Variants in CARD10 observed in about 807,000 individuals in gnomAD.
The protein encoded by CARD10 is caspase recruitment domain-containing protein 10.
Under a neutral mutation model 114.6 loss-of-function variants are expected in CARD10, and 49 were observed. The ratio of observed to expected loss-of-function variants is 0.43; its 90% CI spans 0.34 to 0.54. The LOEUF (loss-of-function observed/expected upper bound fraction) is 0.54. CARD10 is among the 20% of genes least tolerant of loss of function. The pLI is 0.03. For missense variants in CARD10, 1,206 were observed against 1,397.2 expected, an observed-to-expected ratio of 0.86 and a Z score of 2.18; for synonymous variants, 602 against 593.2, an observed-to-expected ratio of 1.01 and a Z score of -0.21.
rs1042147750 is a variant in CARD10 at position 37,516,044 on chromosome 22, C to A, written c.628G>T (p.Ala210Ser). ...TCACTGAGCTGTGCCAGGCGCATGG[C>A]GATCATGTAGTTCTCATCCTTGAGC... Reference protein sequence around the residue: ...LRLKDENYMIAMRLAQLSEEK... With the variant: ...LRLKDENYMISMRLAQLSEEK... The change falls in exon 3 of 20, where the codon GCC becomes TCC. Residue 210 changes from alanine to serine, a missense_variant. Physicochemically the swap from Ala to Ser is moderately conservative, Grantham distance 99 (BLOSUM62 1). Coordinates refer to ENST00000251973, the MANE Select transcript of CARD10 (RefSeq NM_014550.4). 4 of 1,602,212 alleles carry A rather than the reference C, an allele frequency of 2.5e-6. No homozygotes were observed. The Admixed American group carries it at 5.1e-5, about 20-fold the overall frequency.
intron 11 of CARD10, among the ~76,000 whole-genome samples, chr22:37,500,779 T>C (rs1183580507): frequency 6.6e-6 from 1 of 152,158 alleles, no homozygotes; most frequent in Non-Finnish European, 1.5e-5. Flanking sequence ...AGGTTAAAAT[T>C]CCAGCCTTGC....
rs1015029473 is a variant in CARD10, at chr22:37,516,195, G to C, written c.477C>G (p.Ala159=). ...GCTCCTCCTCGAGCACCCGGCCCCG[G>C]GCCTGCAGTTGCTGCTCCCGCTGCA... is the stretch of plus-strand genomic sequence containing the variant. ...SQLQREQQLQ[A]RGRVLEEERA... is the part of the protein sequence containing the mutation. Residue 159 remains alanine, a synonymous_variant, in exon 3 of 20, where the codon GCC becomes GCG. Coordinates refer to ENST00000251973, the MANE Select transcript of CARD10 (RefSeq NM_014550.4). 1 of 1,594,912 alleles carries C rather than the reference G, an allele frequency of 6.3e-7. No homozygotes were observed. Among genetic ancestry groups the C allele is most frequent in the African/African-American group, 1.3e-5 (1 of 74,734 alleles).
rs538825026 is a variant in CARD10 at position 37,490,905 on chromosome 22, T to G, written c.*254A>C. The G allele has an allele frequency of 3.6e-5, 20 of 553,110 alleles. No homozygotes were observed. In the African/African-American group the frequency reaches 3.8e-4, roughly 10 times the overall value. The allele number at this position is 553,110 out of a possible 1,614,324, so 34.3% of individuals were successfully genotyped here. A position where few individuals can be genotyped will look rare whatever the true frequency, so the allele number is the denominator to read the frequency against. On this transcript the variant is annotated 3_prime_UTR_variant, in exon 20 of 20. Coordinates refer to ENST00000251973, the MANE Select transcript of CARD10 (RefSeq NM_014550.4). Reference sequence around the variant, plus strand: ...AGACACAGACACACATAAGACCCACTAGTGGGAATGTGGAGACCCCAGGAA... The same window carrying G: ...AGACACAGACACACATAAGACCCACGAGTGGGAATGTGGAGACCCCAGGAA...
rs538068560 is a variant in CARD10 at position 37,514,982 on chromosome 22, T to C, written c.699+991A>G. Among the ~76,000 whole-genome samples the C allele has an allele frequency of 2.0e-5, 3 of 152,146 alleles. No homozygotes were observed. The South Asian group carries it at 6.2e-4, about 32-fold the overall frequency. On this transcript the variant is annotated intron_variant, in intron 3 of 19. Coordinates refer to ENST00000251973, the MANE Select transcript of CARD10 (RefSeq NM_014550.4). ...AGGTGAGACTTCCCCACACAGGGAG[T>C]AGGCGGAACAGCAGCGTGGGAAGGG...
chr22:37,508,065 C>A, intron 5 of CARD10, 111 bp from the exon 6 acceptor site: 1 of 1,318,098 alleles, frequency 7.6e-7, no homozygotes, highest in Non-Finnish European at 1.1e-6. Flanking sequence ...GTCTGAGACC[C>A]AATAACAAGT....
intron 4 of CARD10, chr22:37,509,180 C>G: frequency 7.0e-7 from 1 of 1,431,526 alleles, no homozygotes; most frequent in Non-Finnish European, 9.2e-7. Flanking sequence ...TGGCTCTCAT[C>G]CCCCACTTCC....
Position 37,496,983 on chromosome 22 carries a change from G to T in CARD10, c.1947+36C>A. 6.4e-7 allele frequency: 1 copy of T among 1,558,752 alleles called. No homozygotes were observed. Among genetic ancestry groups the T allele is most frequent in the South Asian group, 1.2e-5 (1 of 81,868 alleles). On this transcript the variant is annotated intron_variant, in intron 12 of 19. Transcript: ENST00000251973. This position sits in a 1 kb window ranked among gnomAD's most constrained non-coding sequence, Gnocchi z 4.1. ...GATGTCCAGCCTGGGCAAAAGCACT[G>T]ACCCTACCCCCCCAGCTCAGGAGGC...
chr22:37,498,916 G>T (rs949713804), intron 11 of CARD10, among the ~76,000 whole-genome samples: 1 of 130,664 alleles, frequency 7.7e-6, no homozygotes, highest in Non-Finnish European at 1.6e-5. Context: ...GGGGGGGGGG[G>T]GCACATGAAT....
chr22:37,497,680 A>G (rs927092530), intron 11 of CARD10, among the ~76,000 whole-genome samples: 10 of 151,914 alleles, frequency 6.6e-5, no homozygotes, highest in Admixed American at 1.3e-4. Context: ...TGGCCAACAT[A>G]GTGAAACCCC....
rs140567423 is a variant in CARD10, at chr22:37,508,545, G to A, written c.1047C>T (p.Ala349=). ...GCCCCACCTGGTCGCGCAGCTCCTC[G>A]GCCCACTGCAGCTCCCCCTGCACGG... ...LHAVQGELQW[A]EELRDQYLQE... is the part of the protein sequence containing the mutation. The change falls in exon 5 of 20, where the codon GCC becomes GCT. Residue 349 remains alanine (A), a synonymous_variant. Coordinates refer to ENST00000251973, the MANE Select transcript of CARD10 (RefSeq NM_014550.4). 3,177 of 1,596,392 alleles carry A rather than the reference G, an allele frequency of 2.0e-3. 38 individuals carry two copies. Among genetic ancestry groups the A allele is most frequent in the Non-Finnish European group, 1.0e-3 (1,209 of 1,177,948 alleles).
chr22:37,519,287 G>C lies in CARD10; in HGVS notation c.-87C>G. 1 of 1,363,730 alleles carries C rather than the reference G, an allele frequency of 7.3e-7. No individual in the cohort carries two copies. Among genetic ancestry groups the C allele is most frequent in the East Asian group, 3.0e-5 (1 of 33,274 alleles). The allele number at this position is 1,363,730 out of a possible 1,614,324, so 84.5% of individuals were successfully genotyped here. On this transcript the variant is annotated 5_prime_UTR_variant, in exon 1 of 20. Coordinates refer to ENST00000251973, the MANE Select transcript of CARD10 (RefSeq NM_014550.4). This position sits in a 1 kb window ranked among gnomAD's most constrained non-coding sequence, Gnocchi z 4.1. ...CTAGATGTGCGGCCAAGCACCCCCGGGGCGTCGTCCGCAGACCCGCCGTCG... is the reference window on the plus strand; with the variant it reads ...CTAGATGTGCGGCCAAGCACCCCCGCGGCGTCGTCCGCAGACCCGCCGTCG...
chr22:37,492,348 G>T lies in CARD10; in HGVS notation c.2751+87C>A. 1 of 1,006,218 alleles carries T rather than the reference G, an allele frequency of 9.9e-7. No homozygotes were observed. Among genetic ancestry groups the T allele is most frequent in the Non-Finnish European group, 1.4e-6 (1 of 695,882 alleles). 62.3% of individuals were successfully genotyped at this position (1,006,218 alleles called of 1,614,324 possible). On this transcript the variant is annotated intron_variant, in intron 18 of 19. Coordinates refer to ENST00000251973, the MANE Select transcript of CARD10 (RefSeq NM_014550.4). This position sits in a 1 kb window ranked among gnomAD's most constrained non-coding sequence, Gnocchi z 5.7. ...CAGTGAGCAGCAGAGCATGGCCCGC[G>T]CTCAGACGCTGGCGCTCAAGCCCAG...
intron 3 of CARD10, among the ~76,000 whole-genome samples, chr22:37,513,186 C>T (rs1050220470): frequency 3.3e-5 from 5 of 152,168 alleles, no homozygotes; most frequent in African/African-American, 9.7e-5. Flanking sequence ...TCTTGACTCA[C>T]TGCAACCTCC....
At chr22:37,511,642 CG>C (rs66686274) in intron 3 of CARD10, among the ~76,000 whole-genome samples, 28,240 of 146,302 alleles carry the variant, frequency 0.19, 4,017 homozygotes, top group African/African-American at 0.42. Flanking sequence ...CTCATCTGTA[CG>C]GGGGGGGTGT....
chr22:37,519,092 G>A lies in CARD10; in HGVS notation c.109C>T (p.Arg37Trp). Residue 37 changes from arginine to tryptophan, a missense_variant, in exon 1 of 20, where the codon CGG becomes TGG. Arg to Trp is a moderately radical substitution (Grantham distance 101). Around this residue, in one of 2 missense-constraint regions of CARD10, gnomAD observed 138 missense variants for 218.0 expected, o/e 0.63. Coordinates refer to ENST00000251973, the MANE Select transcript of CARD10 (RefSeq NM_014550.4). The surrounding 1 kb of genome is among the most constrained non-coding windows in gnomAD (Gnocchi z 4.1). ...GCCGGGTTCAGGGCGCGAGCCAGCC[G>A]ATGCCGGACGCCCTCGATTCGCTCC... ...LWERIEGVRH[R>W]LARALNPAKL... 1 of 1,591,350 alleles carries A rather than the reference G, an allele frequency of 6.3e-7. No homozygotes were observed. Among genetic ancestry groups the A allele is most frequent in the Non-Finnish European group, 8.5e-7 (1 of 1,175,984 alleles).
At chr22:37,491,672 GA>G (rs1200224739) in intron 19 of CARD10, 82 bp downstream of exon 19, 28 of 653,444 alleles carry the variant, frequency 4.3e-5, no homozygotes, top group Non-Finnish European at 6.4e-5. Flanking sequence ...GAGGGAGAGA[GA>G]GGGGGGAGGG....
At chr22:37,515,799 C>T (rs371015360) in intron 3 of CARD10, among the ~76,000 whole-genome samples, 174 bp downstream of exon 3, 3 of 152,160 alleles carry the variant, frequency 2.0e-5, no homozygotes, top group African/African-American at 7.2e-5. Flanking sequence ...GTCAGAATCA[C>T]CCCCCATTGA....
At chr22:37,502,272 C>A (rs1923241701) in intron 11 of CARD10, among the ~76,000 whole-genome samples, 1 of 152,244 alleles carries the variant, frequency 6.6e-6, no homozygotes. Context: ...TAAGTGACAA[C>A]TATTACTAAG....
intron 7 of CARD10, among the ~76,000 whole-genome samples, chr22:37,505,356 G>A (rs1021132090): frequency 1.3e-5 from 2 of 152,014 alleles, no homozygotes; most frequent in East Asian, 1.9e-4. Flanking sequence ...CCAGGCCTGC[G>A]GAGCTCACTG....
Sources: gnomAD v4.1 joint callset for allele counts (sites outside exome capture counted in the v4.1 genomes callset) on GRCh38, gnomAD v4.1.1 for gene constraint, gnomAD v4.1.1 regional missense constraint, Gnocchi (gnomAD v3.1) non-coding constraint, MANE v1.5 for transcripts, NCBI Gene and HGNC (gene_info 2026-07-23, HGNC 2026-07-21) for gene names.